HPSE2: variants seen among roughly 807,000 people sequenced by gnomAD.
HPSE2 encodes heparanase 2 (inactive).
In HPSE2, 38 loss-of-function variants were observed where a neutral mutation model predicts 60.5. The observed-to-expected ratio is 0.63, with a 90% CI of 0.48 to 0.82. The LOEUF is 0.82. HPSE2 is among the 40% of genes least tolerant of loss of function. The pLI is 0.00. For synonymous variants in HPSE2, 295 were observed against 293.2 expected, an observed-to-expected ratio of 1.01 and a Z score of -0.06; for missense variants, 713 against 740.4, an observed-to-expected ratio of 0.96 and a Z score of 0.43.
chr10:98,948,194 A>G (rs1354365843), intron 3 of HPSE2, among the ~76,000 whole-genome samples: 1 of 152,214 alleles, frequency 6.6e-6, no homozygotes, highest in Non-Finnish European at 1.5e-5. Flanking sequence ...GTCCAAAACA[A>G]TAAATTCCTG....
chr10:98,538,617 A>C (rs1943362799), intron 9 of HPSE2, among the ~76,000 whole-genome samples: 1 of 151,600 alleles, frequency 6.6e-6, no homozygotes, highest in Non-Finnish European at 1.5e-5. Flanking sequence ...AATGGGACCT[A>C]CTCCTGACTC....
At chr10:99,012,350 C>T (rs1353549399) in intron 3 of HPSE2, among the ~76,000 whole-genome samples, 1 of 152,066 alleles carries the variant, frequency 6.6e-6, no homozygotes, top group African/African-American at 2.4e-5. Flanking sequence ...ATCGCTATCA[C>T]ATTCTGTTGA....
At chr10:98,863,462 C>T (rs1437395372) in intron 3 of HPSE2, among the ~76,000 whole-genome samples, 2 of 152,128 alleles carry the variant, frequency 1.3e-5, no homozygotes, top group Non-Finnish European at 2.9e-5. Context: ...AAAACTTGTC[C>T]TGTGAACTAC....
Position 99,132,146 on chromosome 10 carries a change from G to GAAGAAAGAAAGAAAGAAAGA in HPSE2, c.610+12072_610+12091dup, listed in dbSNP as rs1199987336. Among the ~76,000 whole-genome samples, 28 of 28,534 alleles carry GAAGAAAGAAAGAAAGAAAGA rather than the reference G, an allele frequency of 9.8e-4. No homozygotes were observed. The South Asian group carries it at 0.013, about 13-fold the overall frequency. The allele number at this position is 28,534 out of a possible 152,430, so 18.7% of individuals were successfully genotyped here. On this transcript the variant is annotated intron_variant, in intron 3 of 11. Coordinates refer to ENST00000370552, the MANE Select transcript of HPSE2 (RefSeq NM_021828.5). ...AAAGAAAGAAAGGAAAGAAAGAAAG[G>GAAGAAAGAAAGAAAGAAAGA]AAGAAAGAAAGAAAGAAAGAAAGAA...
chr10:98,600,302 A>G (rs1945361637), intron 9 of HPSE2, among the ~76,000 whole-genome samples: 1 of 152,220 alleles, frequency 6.6e-6, no homozygotes, highest in Non-Finnish European at 1.5e-5. Flanking sequence ...TGATTTTTAG[A>G]AGCAGAAAAG....
At chr10:99,003,887 T>A (rs1956832419) in intron 3 of HPSE2, among the ~76,000 whole-genome samples, 1 of 152,072 alleles carries the variant, frequency 6.6e-6, no homozygotes, top group East Asian at 1.9e-4. Flanking sequence ...ATGCAATTTA[T>A]CCCTAGATTT....
At chr10:98,795,806 A>G (rs548030647) in intron 3 of HPSE2, among the ~76,000 whole-genome samples, 5 of 152,336 alleles carry the variant, frequency 3.3e-5, no homozygotes, top group African/African-American at 1.2e-4. Context: ...AAGAGTAAAG[A>G]GGACTTTGTC....
intron 3 of HPSE2, among the ~76,000 whole-genome samples, chr10:98,872,370 C>T (rs776735787): frequency 3.3e-5 from 5 of 152,098 alleles, no homozygotes; most frequent in Non-Finnish European, 5.9e-5. Flanking sequence ...TAATACCCAG[C>T]ATTAGCGTGA....
At chr10:98,464,343 A>G (rs911749000) in intron 11 of HPSE2, among the ~76,000 whole-genome samples, 1 of 152,188 alleles carries the variant, frequency 6.6e-6, no homozygotes, top group Non-Finnish European at 1.5e-5. Flanking sequence ...CACATGCTTG[A>G]AGAGGCCAAG....
chr10:98,939,665 C>T (rs1484356305), intron 3 of HPSE2, among the ~76,000 whole-genome samples: 2 of 143,428 alleles, frequency 1.4e-5, no homozygotes, highest in African/African-American at 5.7e-5. Flanking sequence ...CAACATTAGA[C>T]AGATCAACGA....
intron 9 of HPSE2, among the ~76,000 whole-genome samples, chr10:98,587,111 T>C (rs563663140): frequency 1.7e-4 from 26 of 152,194 alleles, no homozygotes; most frequent in Non-Finnish European, 3.4e-4. Context: ...TTATCATCAT[T>C]ATCATCCTTC....
At chr10:98,694,039 ATCCTTAAGCAGGTATGCTT>A (rs1948148276) in intron 5 of HPSE2, 92 bp from the exon 6 acceptor site, 1 of 1,010,412 alleles carries the variant, frequency 9.9e-7, no homozygotes, top group African/African-American at 1.6e-5. Context: ...GATTAGACCA[ATCCTTAAGCAGGTATGCTT>A]TCTGAGAGGA....
chr10:99,182,971 A>AC (rs1362153246), intron 2 of HPSE2, among the ~76,000 whole-genome samples: 12 of 151,742 alleles, frequency 7.9e-5, no homozygotes, highest in East Asian at 1.9e-4. Context: ...ACACACACAC[A>AC]AAAAAAACTA....
intron 3 of HPSE2, among the ~76,000 whole-genome samples, chr10:99,099,194 C>T (rs770021270): frequency 2.6e-5 from 4 of 152,228 alleles, no homozygotes; most frequent in Non-Finnish European, 5.9e-5. Context: ...CAGCGCGAGG[C>T]ATCGCCTCAC....
chr10:98,829,818 T>G (rs994109180), intron 3 of HPSE2, among the ~76,000 whole-genome samples: 1 of 152,236 alleles, frequency 6.6e-6, no homozygotes, highest in African/African-American at 2.4e-5. Flanking sequence ...CTCACTTTTC[T>G]CTAATACCAC....
At chr10:99,186,542 C>CAAAAAAAAAAAAAAAA (rs60186369) in intron 2 of HPSE2, among the ~76,000 whole-genome samples, 1 of 59,456 alleles carries the variant, frequency 1.7e-5, no homozygotes, top group Non-Finnish European at 2.7e-5. Flanking sequence ...GACTCCATCT[C>CAAAAAAAAAAAAAAAA]AAAAAAAAAA....
chr10:98,503,250 A>C (rs1942087950), intron 9 of HPSE2, among the ~76,000 whole-genome samples: 1 of 151,974 alleles, frequency 6.6e-6, no homozygotes. Context: ...AAGAAAAAAA[A>C]GAGTAAAAGA....
intron 3 of HPSE2, among the ~76,000 whole-genome samples, chr10:99,103,821 A>G (rs7094154): frequency 6.2e-4 from 95 of 152,334 alleles, no homozygotes; most frequent in African/African-American, 2.3e-3. Context: ...GGCCTCAGAA[A>G]TAACACCACA....
the HPSE2 span, among the ~76,000 whole-genome samples, chr10:99,257,173 A>T: frequency 6.6e-6 from 1 of 152,194 alleles, no homozygotes; most frequent in Non-Finnish European, 1.5e-5. Context: ...CACTGTGATG[A>T]TTGCGTTAAC....
Sources: gnomAD v4.1 joint callset for allele counts (sites outside exome capture counted in the v4.1 genomes callset) on GRCh38, gnomAD v4.1.1 for gene constraint, MANE v1.5 for transcripts, NCBI Gene and HGNC (gene_info 2026-07-23, HGNC 2026-07-21) for gene names.